Variants in LAMC1 observed in about 807,000 individuals in gnomAD.
LAMC1 encodes the protein laminin subunit gamma-1.
A neutral mutation model predicts 173.6 loss-of-function variants in LAMC1; 38 were observed. That is an observed-to-expected ratio of 0.22 (90% CI 0.17 to 0.29). LAMC1 has a LOEUF of 0.29. Among genes scored for constraint, LAMC1 ranks in the 10% least tolerant of loss-of-function variants. The pLI, the probability that LAMC1 is intolerant of heterozygous loss-of-function variation, is 1.00. For missense variants in LAMC1, 1,824 were observed against 2,051.8 expected (o/e 0.89, Z 2.14); for synonymous variants, 746 against 749.1 (o/e 1.00, Z 0.07).
chr1:183,078,805 G>C (rs1655185641), intron 1 of LAMC1, among the ~76,000 whole-genome samples: 1 of 152,124 alleles, frequency 6.6e-6, no homozygotes, highest in South Asian at 2.1e-4. Flanking sequence ...GAGGTCAGAA[G>C]TTCGAGACCA....
At chr1:183,057,883 ATAT>A (rs944944888) in intron 1 of LAMC1, among the ~76,000 whole-genome samples, 108 of 152,280 alleles carry the variant, frequency 7.1e-4, no homozygotes, top group African/African-American at 2.5e-3. Flanking sequence ...TCTTACATAA[ATAT>A]TATGTGCTCT....
At chr1:183,063,806 C>G (rs1188505919) in intron 1 of LAMC1, among the ~76,000 whole-genome samples, 2 of 152,162 alleles carry the variant, frequency 1.3e-5, no homozygotes, top group Non-Finnish European at 2.9e-5. Flanking sequence ...TTGAAATCTT[C>G]CCCAGGTGGT....
At chr1:183,032,394 G>A (rs1165882791) in intron 1 of LAMC1, among the ~76,000 whole-genome samples, 1 of 152,016 alleles carries the variant, frequency 6.6e-6, no homozygotes, top group African/African-American at 2.4e-5. Context: ...ATCTGTGTGT[G>A]GCCGCTTCCT....
At chr1:183,044,747 A>G (rs973116684) in intron 1 of LAMC1, among the ~76,000 whole-genome samples, 21 of 152,244 alleles carry the variant, frequency 1.4e-4, no homozygotes, top group African/African-American at 5.1e-4. Flanking sequence ...AGAACTGGAA[A>G]ATAACTGAAA....
intron 11 of LAMC1, among the ~76,000 whole-genome samples, chr1:183,121,020 C>T (rs1474228299): frequency 6.6e-6 from 1 of 152,148 alleles, no homozygotes; most frequent in East Asian, 1.9e-4. Flanking sequence ...CACTCTTGTT[C>T]ATATCTCTTC....
rs76515371 is a variant in LAMC1, at chr1:183,047,064, A to G, written c.418+22930A>G. 2.5e-3 allele frequency among the ~76,000 whole-genome samples: 380 copies of G among 152,260 alleles called. 1 individual carries two copies. The highest frequency in any genetic ancestry group is 3.9e-3 in the Non-Finnish European group (268 of 67,982). ...GGCCATTTTAAGAAATGTTTTGGGT[A>G]CAGGTTTCAGTTAATTAAAATAGCT... On this transcript the variant is annotated intron_variant, in intron 1 of 27. Coordinates refer to ENST00000258341, the MANE Select transcript of LAMC1 (RefSeq NM_002293.4).
At chr1:183,029,172 G>A (rs770598922) in intron 1 of LAMC1, among the ~76,000 whole-genome samples, 9 of 152,178 alleles carry the variant, frequency 5.9e-5, no homozygotes, top group East Asian at 1.9e-4. Flanking sequence ...AACTTCACCC[G>A]TTTCTTTCCC....
chr1:183,128,735 G>T lies in LAMC1; in HGVS notation c.3265G>T (p.Ala1089Ser). 1 of 1,612,944 alleles carries T rather than the reference G, an allele frequency of 6.2e-7. No homozygotes were observed. Among genetic ancestry groups the T allele is most frequent in the Non-Finnish European group, 8.5e-7 (1 of 1,179,250 alleles). ...GGAAGTTATGGACCTCCTTCGTGAGGCCCAGGATGTCAAAGGTACGCATGA... is the reference window on the plus strand; with the variant it reads ...GGAAGTTATGGACCTCCTTCGTGAGTCCCAGGATGTCAAAGGTACGCATGA... ...EREVMDLLRE[A>S]QDVKDVDQNL... Residue 1089 changes from alanine to serine, a missense_variant, in exon 18 of 28, where the codon GCC (alanine) becomes TCC (serine). Ala to Ser is a moderately conservative substitution (Grantham distance 99). Coordinates refer to ENST00000258341, the MANE Select transcript of LAMC1 (RefSeq NM_002293.4).
intron 1 of LAMC1, among the ~76,000 whole-genome samples, chr1:183,035,606 TG>T (rs1327253751): frequency 6.6e-6 from 1 of 152,240 alleles, no homozygotes; most frequent in Non-Finnish European, 1.5e-5. Flanking sequence ...AATGAGGTCC[TG>T]GATTTTGTCA....
chr1:183,074,639 A>G (rs1052772104), intron 1 of LAMC1, among the ~76,000 whole-genome samples: 3 of 152,238 alleles, frequency 2.0e-5, no homozygotes, highest in Non-Finnish European at 4.4e-5. Context: ...TACTTACTGA[A>G]GGAAGAGCTA....
chr1:183,128,760 A>G lies in LAMC1; in HGVS notation c.3280+10A>G. ...GCCCAGGATGTCAAAGGTACGCATG[A>G]TTGAACAGTGCATGACTTCTGTGAG... On this transcript the variant is annotated intron_variant, in intron 18 of 27. Coordinates refer to ENST00000258341, the MANE Select transcript of LAMC1 (RefSeq NM_002293.4). 1 of 1,611,300 alleles carries G rather than the reference A, an allele frequency of 6.2e-7. No individual in the cohort carries two copies. Among genetic ancestry groups the G allele is most frequent in the Non-Finnish European group, 8.5e-7 (1 of 1,178,260 alleles).
At chr1:183,024,764 AG>A (rs1326304989) in intron 1 of LAMC1, among the ~76,000 whole-genome samples, 1 of 152,254 alleles carries the variant, frequency 6.6e-6, no homozygotes, top group Non-Finnish European at 1.5e-5. Context: ...AATGAACAAA[AG>A]GAAGTGCACT....
chr1:183,103,752 G>C, intron 2 of LAMC1, 120 bp downstream of exon 2: 1 of 762,574 alleles, frequency 1.3e-6, no homozygotes, highest in Non-Finnish European at 2.0e-6. Context: ...TAGAATACTT[G>C]AGCAACACAG....
chr1:183,067,637 C>T (rs1043266411), intron 1 of LAMC1, among the ~76,000 whole-genome samples: 3 of 151,354 alleles, frequency 2.0e-5, no homozygotes, highest in Non-Finnish European at 4.4e-5. Flanking sequence ...TACAAGCGCA[C>T]GCCACCACAT....
At position 183,023,803 on chromosome 1, in the gene LAMC1, G is replaced by T. The variant is rs765512792; in HGVS notation, c.87G>T (p.Ala29=). The part of the protein sequence containing the change: ...PVLAVLAAAA[A]AGCAQAAMDE... ...TGGCCGTGCTGGCGGCGGCCGCCGCGGCGGGCTGTGCCCAGGCAGCCATGG... is the reference window on the plus strand; with the variant it reads ...TGGCCGTGCTGGCGGCGGCCGCCGCTGCGGGCTGTGCCCAGGCAGCCATGG... Residue 29 remains alanine (A), a synonymous_variant, in exon 1 of 28, where the codon GCG becomes GCT. Coordinates refer to ENST00000258341, the MANE Select transcript of LAMC1 (RefSeq NM_002293.4). The T allele has an allele frequency of 6.6e-7, 1 of 1,516,708 alleles. No homozygotes were observed. The highest frequency in any genetic ancestry group is 1.3e-5 in the South Asian group (1 of 75,622). 94.0% of individuals were successfully genotyped at this position (1,516,708 alleles called of 1,614,324 possible). A position where few individuals can be genotyped will look rare whatever the true frequency, so the allele number is the denominator to read the frequency against.
intron 1 of LAMC1, among the ~76,000 whole-genome samples, chr1:183,031,334 C>T (rs1197639565): frequency 4.6e-5 from 7 of 152,006 alleles, no homozygotes; most frequent in East Asian, 1.9e-4. Flanking sequence ...AGACGAGTTT[C>T]GCTCTTGTCG....
intron 1 of LAMC1, among the ~76,000 whole-genome samples, chr1:183,061,107 G>A (rs1284214527): frequency 2.6e-5 from 4 of 152,152 alleles, no homozygotes; most frequent in Admixed American, 2.6e-4. Flanking sequence ...GGGTGATGTC[G>A]ATCAGAAAGG....
chr1:183,127,178 C>A, intron 16 of LAMC1, 48 bp from the exon 17 acceptor site: 1 of 1,545,792 alleles, frequency 6.5e-7, no homozygotes, highest in Middle Eastern at 2.1e-4. Flanking sequence ...AAGAGATATA[C>A]TCTTCCTTCT....
intron 1 of LAMC1, among the ~76,000 whole-genome samples, chr1:183,088,889 G>A (rs1224732787): frequency 6.6e-6 from 1 of 152,186 alleles, no homozygotes; most frequent in Non-Finnish European, 1.5e-5. Flanking sequence ...TTACATTAGA[G>A]AACTGTAGGA....
Sources: gnomAD v4.1 joint callset for allele counts (sites outside exome capture counted in the v4.1 genomes callset) on GRCh38, gnomAD v4.1.1 for gene constraint, MANE v1.5 for transcripts, NCBI Gene and HGNC (gene_info 2026-07-23, HGNC 2026-07-21) for gene names.